The following HIPK2 variants were observed in gnomAD, a reference collection of about 807,000 sequenced individuals.
HIPK2 encodes the protein homeodomain-interacting protein kinase 2.
Under a neutral mutation model 113.7 loss-of-function variants are expected in HIPK2, and 27 were observed. The ratio of observed to expected loss-of-function variants is 0.24; its 90% CI spans 0.17 to 0.33. HIPK2 has a LOEUF of 0.33. Ranked by LOEUF, HIPK2 falls within the 10% of genes least tolerant of loss-of-function variation. The pLI, the probability that HIPK2 is intolerant of heterozygous loss-of-function variation, is 1.00. For missense variants in HIPK2, 1,257 were observed against 1,588.0 expected (o/e 0.79, Z 3.54); for synonymous variants, 631 against 642.2 (o/e 0.98, Z 0.26).
intron 2 of HIPK2, among the ~76,000 whole-genome samples, chr7:139,644,928 T>C (rs532320774): frequency 6.6e-6 from 1 of 152,378 alleles, no homozygotes; most frequent in East Asian, 1.9e-4. Context: ...GTTCACCCTC[T>C]ACTCTAGATG....
intron 2 of HIPK2, among the ~76,000 whole-genome samples, chr7:139,638,448 A>G (rs1447853369): frequency 6.6e-6 from 1 of 152,176 alleles, no homozygotes; most frequent in African/African-American, 2.4e-5. Flanking sequence ...AGATTGGTCC[A>G]ATAAATACTA....
At chr7:139,730,787 G>A (rs1474492072) in intron 1 of HIPK2, among the ~76,000 whole-genome samples, 1 of 152,178 alleles carries the variant, frequency 6.6e-6, no homozygotes, top group African/African-American at 2.4e-5. Flanking sequence ...CTTTTCAGAG[G>A]TAATCAAGTT....
intron 1 of HIPK2, among the ~76,000 whole-genome samples, chr7:139,757,488 T>C (rs867308181): frequency 6.6e-6 from 1 of 152,078 alleles, no homozygotes; most frequent in Non-Finnish European, 1.5e-5. Flanking sequence ...ACTAAATACA[T>C]ATAGAAATCA....
chr7:139,592,088 C>A (rs1799045688), intron 12 of HIPK2, among the ~76,000 whole-genome samples: 1 of 152,202 alleles, frequency 6.6e-6, no homozygotes, highest in South Asian at 2.1e-4. Flanking sequence ...AATGATTTCT[C>A]TAGACTTTCA....
chr7:139,573,303 G>A lies in HIPK2; in HGVS notation c.3221C>T (p.Pro1074Leu), dbSNP rs775752128. 2 of 1,605,176 alleles carry A rather than the reference G, an allele frequency of 1.2e-6. No individual in the cohort carries two copies. The highest frequency in any genetic ancestry group is 1.1e-5 in the South Asian group (1 of 91,040). Residue 1074 changes from proline to leucine, a missense_variant, in exon 15 of 15, where the codon CCG becomes CTG. Physicochemically the swap from Pro to Leu is moderately conservative, Grantham distance 98 (BLOSUM62 -3). Transcript: ENST00000406875. ...PTMAQAPYSFPHNSPSHGTVH... is the reference protein window; with the variant it reads ...PTMAQAPYSFLHNSPSHGTVH... ...AGTGCCGTGGCTGGGGCTGTTGTGCGGGAAGGAGTACGGAGCCTGGGCCAT... is the reference window on the plus strand; with the variant it reads ...AGTGCCGTGGCTGGGGCTGTTGTGCAGGAAGGAGTACGGAGCCTGGGCCAT...
chr7:139,563,987 C>T lies in HIPK2; in HGVS notation c.*8940G>A, dbSNP rs190963290. On this transcript the variant is annotated 3_prime_UTR_variant, in exon 15 of 15. Transcript: ENST00000406875. ...ATGACAGTGGGGCCCATTCCTGTCT[C>T]GAAGCATCTTCTTGTTCCAAATATG... 4 of 398,520 alleles carry T rather than the reference C, an allele frequency of 1.0e-5. No homozygotes were observed. The Admixed American group carries it at 1.3e-4, about 13-fold the overall frequency. 24.7% of individuals were successfully genotyped at this position (398,520 alleles called of 1,614,324 possible).
At chr7:139,628,204 A>G (rs1173268563) in intron 5 of HIPK2, among the ~76,000 whole-genome samples, 1 of 152,206 alleles carries the variant, frequency 6.6e-6, no homozygotes, top group Non-Finnish European at 1.5e-5. Flanking sequence ...TACAGTGAAC[A>G]TGGGCCTGCT....
In HIPK2 at chr7:139,570,128, C is replaced by G. The variant is rs1392209933; in HGVS notation, c.*2799G>C. The G allele has an allele frequency of 1.3e-5, 2 of 152,116 alleles. No individual in the cohort carries two copies. Among genetic ancestry groups the G allele is most frequent in the African/African-American group, 4.8e-5 (2 of 41,390 alleles). 9.4% of individuals were successfully genotyped at this position (152,116 alleles called of 1,614,324 possible). A position where few individuals can be genotyped will look rare whatever the true frequency, so the allele number is the denominator to read the frequency against. On this transcript the variant is annotated 3_prime_UTR_variant, in exon 15 of 15. Coordinates refer to ENST00000406875, the MANE Select transcript of HIPK2 (RefSeq NM_022740.5). The stretch of plus-strand genomic sequence containing the variant: ...AGAAAGGGCTGGAAATGAACTGTGC[C>G]CAGGAATCTGGGGGTGCTCTCCAGT...
intron 1 of HIPK2, among the ~76,000 whole-genome samples, chr7:139,737,192 TTCTTC>T (rs1795962120): frequency 6.6e-6 from 1 of 152,236 alleles, no homozygotes; most frequent in East Asian, 1.9e-4. Flanking sequence ...TTGCTAAAGA[TTCTTC>T]TCTTCTAAGA....
At chr7:139,754,410 T>C (rs17262390) in intron 1 of HIPK2, among the ~76,000 whole-genome samples, 17,216 of 152,198 alleles carry the variant, frequency 0.11, 1,171 homozygotes, top group Non-Finnish European at 0.16. Flanking sequence ...TAGAAACGCA[T>C]GCTTCAGACA....
At chr7:139,696,541 C>T (rs933472077) in intron 2 of HIPK2, among the ~76,000 whole-genome samples, 3 of 151,204 alleles carry the variant, frequency 2.0e-5, no homozygotes, top group Non-Finnish European at 4.4e-5. Context: ...TGCGAGTGCA[C>T]CACTATACTT....
chr7:139,621,950 AG>A (rs934746744), intron 6 of HIPK2, among the ~76,000 whole-genome samples: 20 of 149,050 alleles, frequency 1.3e-4, no homozygotes, highest in Admixed American at 2.6e-4. Context: ...AAAAATTAAA[AG>A]AAAAAGAAAA....
intron 2 of HIPK2, among the ~76,000 whole-genome samples, chr7:139,669,424 G>C (rs1274369924): frequency 6.6e-6 from 1 of 152,310 alleles, no homozygotes; most frequent in East Asian, 1.9e-4. Context: ...TTTGTAGACT[G>C]AGAGAGAAAG....
chr7:139,732,228 G>C (rs1795810079), intron 1 of HIPK2, among the ~76,000 whole-genome samples: 1 of 152,270 alleles, frequency 6.6e-6, no homozygotes, highest in East Asian at 1.9e-4. Context: ...AAAATCAGCT[G>C]GTACAGGGAT....
At chr7:139,591,962 T>C (rs569192016) in intron 12 of HIPK2, among the ~76,000 whole-genome samples, 2 of 152,360 alleles carry the variant, frequency 1.3e-5, no homozygotes, top group South Asian at 2.1e-4. Flanking sequence ...TTTTTGCCCA[T>C]GCAATAATAA....
At chr7:139,666,313 A>G (rs1199129563) in intron 2 of HIPK2, among the ~76,000 whole-genome samples, 5 of 152,166 alleles carry the variant, frequency 3.3e-5, no homozygotes, top group Non-Finnish European at 7.3e-5. Flanking sequence ...AGGCCTTCTG[A>G]GACTTGAGGA....
chr7:139,584,015 C>T lies in HIPK2; in HGVS notation c.2767G>A (p.Asp923Asn), dbSNP rs746298288. 8.7e-6 allele frequency: 14 copies of T among 1,611,826 alleles called. No individual in the cohort carries two copies. Among genetic ancestry groups the T allele is most frequent in the South Asian group, 2.2e-5 (2 of 90,862 alleles). ...CTGGAGGAGTCGGAGTAGGGGGAGTCGTGGACTGTGACACAGCTGATGACG... is the reference window on the plus strand; with the variant it reads ...CTGGAGGAGTCGGAGTAGGGGGAGTTGTGGACTGTGACACAGCTGATGACG... Reference protein sequence around the residue: ...KNVISCVTVHDSPYSDSSSNT... With the variant: ...KNVISCVTVHNSPYSDSSSNT... Residue 923 changes from aspartate (D) to asparagine (N), a missense_variant, in exon 13 of 15, where the codon GAC becomes AAC. By Grantham distance (23) the Asp-to-Asn change is conservative. Around this residue, in one of 5 missense-constraint regions of HIPK2, gnomAD observed 862 missense variants for 1,004.3 expected, o/e 0.86. Transcript: ENST00000406875.
At chr7:139,757,890 T>C (rs1035918539) in intron 1 of HIPK2, among the ~76,000 whole-genome samples, 13 of 152,208 alleles carry the variant, frequency 8.5e-5, no homozygotes, top group South Asian at 2.1e-4. Context: ...TGGAAATAAA[T>C]AGTCCTCATA....
At chr7:139,768,110 C>T (rs776449522) in intron 1 of HIPK2, among the ~76,000 whole-genome samples, 3 of 152,208 alleles carry the variant, frequency 2.0e-5, no homozygotes, top group Non-Finnish European at 4.4e-5. Context: ...GTGGTCGCAG[C>T]TTGGACACAC....
Sources: allele counts gnomAD v4.1 joint callset (sites outside exome capture counted in the v4.1 genomes callset), GRCh38; gene constraint gnomAD v4.1.1; regional missense constraint gnomAD v4.1.1; transcripts MANE v1.5; gene names NCBI Gene and HGNC (gene_info 2026-07-23, HGNC 2026-07-21).